The following UTS2B variants were observed in gnomAD, a reference collection of about 807,000 sequenced individuals.
The protein encoded by UTS2B is urotensin-2B.
In UTS2B, 21 loss-of-function variants were observed where a neutral mutation model predicts 19.2. The observed-to-expected ratio is 1.09, with a 90% CI of 0.78 to 1.58. The LOEUF is 1.58. UTS2B is among the 40% of genes most tolerant of loss of function. The probability of loss-of-function intolerance (pLI) is 0.00; values close to 1 mark genes in which losing one functional copy is unlikely to be tolerated. For synonymous variants in UTS2B, 57 were observed against 50.2 expected, an observed-to-expected ratio of 1.14 and a Z score of -0.58; for missense variants, 138 against 130.3, an observed-to-expected ratio of 1.06 and a Z score of -0.29.
At chr3:191,326,785 T>C (rs1179452574) in intron 2 of UTS2B, among the ~76,000 whole-genome samples, 3 of 152,352 alleles carry the variant, frequency 2.0e-5, no homozygotes, top group South Asian at 2.1e-4. Flanking sequence ...AGTCCTTTGC[T>C]AGAAGTTGCC....
the UTS2B span, among the ~76,000 whole-genome samples, chr3:191,337,802 T>G: frequency 6.6e-6 from 1 of 152,148 alleles, no homozygotes; most frequent in Non-Finnish European, 1.5e-5. Flanking sequence ...ATCCAACAGA[T>G]TTAACCACCT....
chr3:191,285,394 T>G (rs935236601), intron 4 of UTS2B, among the ~76,000 whole-genome samples: 2 of 151,876 alleles, frequency 1.3e-5, no homozygotes, highest in Non-Finnish European at 2.9e-5. Flanking sequence ...TAAATTTTAA[T>G]CACAAAGGAA....
chr3:191,285,937 A>C (rs1716531963), intron 4 of UTS2B, among the ~76,000 whole-genome samples: 1 of 152,178 alleles, frequency 6.6e-6, no homozygotes, highest in Admixed American at 6.5e-5. Context: ...CGATGGAAAA[A>C]GATATTCCAT....
chr3:191,297,920 T>C (rs1240505745), intron 4 of UTS2B, among the ~76,000 whole-genome samples: 2 of 152,242 alleles, frequency 1.3e-5, no homozygotes, highest in East Asian at 3.8e-4. Context: ...TCACCTGCTT[T>C]AGAAAATAAA....
At chr3:191,333,241 A>C (rs1043137423), upstream of UTS2B, among the ~76,000 whole-genome samples, 16 of 152,202 alleles carry the variant, frequency 1.1e-4, no homozygotes, top group African/African-American at 3.9e-4. Context: ...ACAATTTAAT[A>C]CATTTTTAGA....
chr3:191,312,832 C>CA (rs1453763973), intron 3 of UTS2B, among the ~76,000 whole-genome samples: 1 of 152,130 alleles, frequency 6.6e-6, no homozygotes, highest in African/African-American at 2.4e-5. Flanking sequence ...GAATAGGTGG[C>CA]AAAACCTACA....
At chr3:191,326,625 G>C (rs978830995) in intron 2 of UTS2B, among the ~76,000 whole-genome samples, 1 of 152,170 alleles carries the variant, frequency 6.6e-6, no homozygotes, top group Non-Finnish European at 1.5e-5. Flanking sequence ...TTAGGGATCT[G>C]TATCCATCCT....
intron 4 of UTS2B, among the ~76,000 whole-genome samples, chr3:191,302,480 A>T (rs944202137): frequency 8.5e-5 from 13 of 152,130 alleles, no homozygotes; most frequent in African/African-American, 3.1e-4. Context: ...GCTTTCACTT[A>T]ATTCTGTTGG....
chr3:191,309,948 CT>C (rs907775389), intron 3 of UTS2B, among the ~76,000 whole-genome samples: 1 of 150,844 alleles, frequency 6.6e-6, no homozygotes, highest in Non-Finnish European at 1.5e-5. Flanking sequence ...TTTTTTCTTT[CT>C]TTTTTCCTTT....
intron 8 of UTS2B, among the ~76,000 whole-genome samples, chr3:191,269,051 T>C (rs1716018134): frequency 1.3e-5 from 2 of 152,228 alleles, no homozygotes; most frequent in South Asian, 4.1e-4. Context: ...TCTTCAAATA[T>C]ATAAATGAAT....
At chr3:191,320,623 G>T (rs1312070072) in intron 2 of UTS2B, among the ~76,000 whole-genome samples, 3 of 152,226 alleles carry the variant, frequency 2.0e-5, no homozygotes, top group Admixed American at 6.5e-5. Context: ...AGTGAGAGAT[G>T]ATGAGGGTTT....
At chr3:191,342,031 A>G in the UTS2B span, among the ~76,000 whole-genome samples, 1 of 152,228 alleles carries the variant, frequency 6.6e-6, no homozygotes, top group African/African-American at 2.4e-5. Context: ...GAATGTACCC[A>G]TGATCTCAAG....
chr3:191,298,985 T>A (rs1594950), intron 4 of UTS2B, among the ~76,000 whole-genome samples: 2 of 151,908 alleles, frequency 1.3e-5, no homozygotes, highest in Admixed American at 1.3e-4. Flanking sequence ...AAATTGATAG[T>A]GATGATTTAG....
intron 4 of UTS2B, among the ~76,000 whole-genome samples, chr3:191,282,683 C>T (rs911399309): frequency 8.5e-5 from 13 of 152,116 alleles, no homozygotes; most frequent in African/African-American, 3.1e-4. Context: ...TACTTTTGAG[C>T]TAGGTGGTAG....
At chr3:191,337,410 T>A in the UTS2B span, among the ~76,000 whole-genome samples, 1 of 152,190 alleles carries the variant, frequency 6.6e-6, no homozygotes, top group Admixed American at 6.5e-5. Context: ...CTCTTTTTTT[T>A]TTAAGACGGT....
At chr3:191,271,200 C>CAAAAA (rs66756396) in intron 8 of UTS2B, among the ~76,000 whole-genome samples, 5 of 52,742 alleles carry the variant, frequency 9.5e-5, no homozygotes, top group African/African-American at 2.2e-4. Flanking sequence ...GAGACTCTCT[C>CAAAAA]AAAAAAAAAA....
At chr3:191,337,140 T>C in the UTS2B span, among the ~76,000 whole-genome samples, 2 of 152,026 alleles carry the variant, frequency 1.3e-5, no homozygotes, top group Admixed American at 1.3e-4. Flanking sequence ...TGGCAAAGCT[T>C]AAATTTTTTG....
chr3:191,278,120 G>T lies in UTS2B; in HGVS notation c.154C>A (p.Leu52Met). 1 of 1,568,912 alleles carries T rather than the reference G, an allele frequency of 6.4e-7. No homozygotes were observed. Among genetic ancestry groups the T allele is most frequent in the Non-Finnish European group, 8.6e-7 (1 of 1,160,962 alleles). Residue 52 changes from leucine (L) to methionine (M), a missense_variant, in exon 6 of 9, where the codon CTG becomes ATG. Leu to Met is a conservative substitution (Grantham distance 15, BLOSUM62 2). Transcript: ENST00000340524. Reference sequence around the variant, plus strand: ...TCAAAATTTTTATTCAGTAGAGCCAGCAATAGTTCCTCACGATTTGTATAT... The same window carrying T: ...TCAAAATTTTTATTCAGTAGAGCCATCAATAGTTCCTCACGATTTGTATAT... ...KKYTNREELL[L>M]ALLNKNFDFQ...
chr3:191,289,490 C>T (rs1716655913), intron 4 of UTS2B, among the ~76,000 whole-genome samples: 2 of 151,548 alleles, frequency 1.3e-5, no homozygotes, highest in Admixed American at 1.3e-4. Context: ...CTAACATATT[C>T]ATCACGGCAT....
Sources: allele counts gnomAD v4.1 joint callset (sites outside exome capture counted in the v4.1 genomes callset), GRCh38; gene constraint gnomAD v4.1.1; transcripts MANE v1.5; gene names NCBI Gene and HGNC (gene_info 2026-07-23, HGNC 2026-07-21).